The following SCN10A variants were observed in gnomAD, a reference collection of about 807,000 sequenced individuals.
SCN10A encodes the protein sodium channel protein type 10 subunit alpha.
Under a neutral mutation model 170.7 loss-of-function variants are expected in SCN10A, and 162 were observed. The observed-to-expected ratio is 0.95, with a 90% CI of 0.84 to 1.08. The LOEUF (loss-of-function observed/expected upper bound fraction) is 1.08, where lower values mean the gene tolerates loss of function less well. Among genes scored for constraint, SCN10A ranks in the 50% least tolerant of loss-of-function variants. The pLI is 0.00. For missense variants in SCN10A, 2,527 were observed against 2,436.9 expected (o/e 1.04, Z -0.78); for synonymous variants, 985 against 904.6 (o/e 1.09, Z -1.59).
At chr3:38,751,350 C>T (rs2063745080) in intron 12 of SCN10A, among the ~76,000 whole-genome samples, 1 of 152,192 alleles carries the variant, frequency 6.6e-6, no homozygotes, top group South Asian at 2.1e-4. Flanking sequence ...ATTCCCTAAG[C>T]CCAGCCCACA....
At chr3:38,741,354 G>A (rs1468720967) in intron 14 of SCN10A, among the ~76,000 whole-genome samples, 3 of 152,014 alleles carry the variant, frequency 2.0e-5, no homozygotes, top group East Asian at 3.9e-4. Flanking sequence ...TAATTCAGGG[G>A]TTAAGAAAAG....
intron 4 of SCN10A, among the ~76,000 whole-genome samples, chr3:38,786,781 T>C (rs1316388402): frequency 6.6e-6 from 1 of 152,156 alleles, no homozygotes; most frequent in Non-Finnish European, 1.5e-5. Flanking sequence ...GAAGACCGCC[T>C]TTTCCCTGCT....
At chr3:38,702,557 A>G (rs951441974) in intron 26 of SCN10A, among the ~76,000 whole-genome samples, 1 of 152,246 alleles carries the variant, frequency 6.6e-6, no homozygotes, top group African/African-American at 2.4e-5. Flanking sequence ...TCTCTACTAG[A>G]CAATGAGCTG....
At chr3:38,788,809 C>G (rs978582357) in intron 4 of SCN10A, 147 bp downstream of exon 4, 7 of 580,964 alleles carry the variant, frequency 1.2e-5, no homozygotes, top group Non-Finnish European at 2.2e-5. Context: ...GAAGGAGAGA[C>G]CTGGTTATTA....
At chr3:38,771,028 C>G (rs1047932751) in intron 5 of SCN10A, among the ~76,000 whole-genome samples, 4 of 152,172 alleles carry the variant, frequency 2.6e-5, no homozygotes, top group African/African-American at 7.2e-5. Flanking sequence ...GGTTTCCCCC[C>G]CTCACACTTT....
chr3:38,722,358 T>C lies in SCN10A; in HGVS notation c.3407A>G (p.Asp1136Gly). Reference sequence around the variant, plus strand: ...AGTCTTGCGCACCTGCCAGCCCACATCCCATGGACTCTTGGTGGTATCCAG... The same window carrying C: ...AGTCTTGCGCACCTGCCAGCCCACACCCCATGGACTCTTGGTGGTATCCAG... ...CKLDTTKSPW[D>G]VGWQVRKTCY... Residue 1136 changes from aspartate (D) to glycine (G), a missense_variant, in exon 20 of 28, where the codon GAT becomes GGT. Physicochemically the swap from Asp to Gly is moderately conservative, Grantham distance 94 (BLOSUM62 -1). Coordinates refer to ENST00000449082, the MANE Select transcript of SCN10A (RefSeq NM_006514.4). 6.2e-7 allele frequency: 1 copy of C among 1,613,928 alleles called. No homozygotes were observed. Among genetic ancestry groups the C allele is most frequent in the Non-Finnish European group, 8.5e-7 (1 of 1,179,960 alleles).
chr3:38,733,947 C>T (rs1040538303), intron 15 of SCN10A, among the ~76,000 whole-genome samples: 6 of 150,970 alleles, frequency 4.0e-5, no homozygotes, highest in East Asian at 2.0e-4. Flanking sequence ...CTCGAACTCC[C>T]GACCTCAGGT....
chr3:38,792,017 A>G (rs1237018475), intron 3 of SCN10A, 33 bp downstream of exon 3: 1 of 1,610,968 alleles, frequency 6.2e-7, no homozygotes, highest in Non-Finnish European at 8.5e-7. Context: ...GTCTAATTGT[A>G]ACACGTGGAA....
At chr3:38,796,136 A>T (rs2064340569) in intron 1 of SCN10A, among the ~76,000 whole-genome samples, 1 of 152,072 alleles carries the variant, frequency 6.6e-6, no homozygotes, top group Non-Finnish European at 1.5e-5. Flanking sequence ...GCATGCCCCA[A>T]ACTAAACTCA....
At chr3:38,745,150 G>T (rs1202776597) in intron 13 of SCN10A, among the ~76,000 whole-genome samples, 1 of 152,222 alleles carries the variant, frequency 6.6e-6, no homozygotes, top group Non-Finnish European at 1.5e-5. Flanking sequence ...AGGCATCTTT[G>T]TAAACAGCCT....
chr3:38,778,248 T>C (rs1326974369), intron 4 of SCN10A, among the ~76,000 whole-genome samples: 1 of 151,968 alleles, frequency 6.6e-6, no homozygotes, highest in Non-Finnish European at 1.5e-5. Context: ...TTGCTATAAT[T>C]TGTCAAAGGT....
rs990777668 is a variant in SCN10A at position 38,756,594 on chromosome 3, A to G, written c.1290+80T>C. On this transcript the variant is annotated intron_variant, in intron 10 of 27. Coordinates refer to ENST00000449082, the MANE Select transcript of SCN10A (RefSeq NM_006514.4). ...CTATAGCTCCCTAAACGGTGCCCTA[A>G]TTGAAGTGGCTAGTCCAGAACAGTA... The G allele has an allele frequency of 4.3e-6, 5 of 1,172,410 alleles. No individual in the cohort carries two copies. The African/African-American group carries it at 7.5e-5, about 18-fold the overall frequency. The allele number at this position is 1,172,410 out of a possible 1,614,324, so 72.6% of individuals were successfully genotyped here.
chr3:38,739,573 A>T lies in SCN10A; in HGVS notation c.2222T>A (p.Leu741Gln), dbSNP rs201342036. The stretch of plus-strand genomic sequence containing the variant: ...CTTCTTGGCCACGCCCAGCTCTAGC[A>T]GACTCACAGTGACGATGATGCAGTC... ...IFDCIIVTVS[L>Q]LELGVAKKGS... Residue 741 changes from leucine to glutamine, a missense_variant, in exon 15 of 28, where the codon CTG becomes CAG. Physicochemically the swap from Leu to Gln is moderately radical, Grantham distance 113 (BLOSUM62 -2). Coordinates refer to ENST00000449082, the MANE Select transcript of SCN10A (RefSeq NM_006514.4). 3 of 1,614,222 alleles carry T rather than the reference A, an allele frequency of 1.9e-6. No individual in the cohort carries two copies. Among genetic ancestry groups the T allele is most frequent in the African/African-American group, 1.3e-5 (1 of 75,058 alleles).
chr3:38,726,849 C>T lies in SCN10A; in HGVS notation c.2844G>A (p.Val948=), dbSNP rs1364529882. Residue 948 remains valine, a synonymous_variant, in exon 17 of 28, where the codon GTG becomes GTA. Transcript: ENST00000449082. The part of the protein sequence containing the change: ...FPQPKAEPEL[V]VKLPLSSSKA... Reference sequence around the variant, plus strand: ...TGGAGCTGGAGAGTGGGAGTTTCACCACCAGCTCAGGCTCTGCCTTGGGCT... The same window carrying T: ...TGGAGCTGGAGAGTGGGAGTTTCACTACCAGCTCAGGCTCTGCCTTGGGCT... The T allele has an allele frequency of 1.5e-5, 24 of 1,613,940 alleles. No individual in the cohort carries two copies. The highest frequency in any genetic ancestry group is 2.0e-5 in the Non-Finnish European group (24 of 1,179,936).
chr3:38,712,664 G>C (rs2063288321), intron 22 of SCN10A, among the ~76,000 whole-genome samples: 1 of 152,216 alleles, frequency 6.6e-6, no homozygotes, highest in African/African-American at 2.4e-5. Flanking sequence ...ACCTCATTCA[G>C]GGTGGGTTGC....
At chr3:38,808,016 A>G (rs1459642762) in intron 1 of SCN10A, among the ~76,000 whole-genome samples, 1 of 152,146 alleles carries the variant, frequency 6.6e-6, no homozygotes, top group African/African-American at 2.4e-5. Flanking sequence ...CTCTGATGAT[A>G]CCTTTCAAAG....
intron 4 of SCN10A, among the ~76,000 whole-genome samples, chr3:38,774,415 C>T (rs2126044154): frequency 6.6e-6 from 1 of 152,250 alleles, no homozygotes; most frequent in South Asian, 2.1e-4. Context: ...GAGTTGCATC[C>T]TCTCTTTGGT....
At chr3:38,809,109 CTT>C (rs1338103083) in intron 1 of SCN10A, among the ~76,000 whole-genome samples, 1 of 152,174 alleles carries the variant, frequency 6.6e-6, no homozygotes, top group Non-Finnish European at 1.5e-5. Context: ...AAAACTAAGA[CTT>C]TGTCATATTA....
intron 16 of SCN10A, 39 bp from the exon 17 acceptor site, chr3:38,727,091 T>C (rs752091198): frequency 2.6e-6 from 4 of 1,563,764 alleles, no homozygotes; most frequent in Non-Finnish European, 8.7e-7. Flanking sequence ...GATCAATCTC[T>C]AAGCTGAGCC....
Sources: gnomAD v4.1 joint callset for allele counts (sites outside exome capture counted in the v4.1 genomes callset) on GRCh38, gnomAD v4.1.1 for gene constraint, MANE v1.5 for transcripts, NCBI Gene and HGNC (gene_info 2026-07-23, HGNC 2026-07-21) for gene names.